CCDC91: variants seen among roughly 807,000 people sequenced by gnomAD.
CCDC91 encodes coiled-coil domain containing 91.
Under a neutral mutation model 63.2 loss-of-function variants are expected in CCDC91, and 48 were observed. The ratio of observed to expected loss-of-function variants is 0.76; its 90% CI spans 0.60 to 0.97. The LOEUF (loss-of-function observed/expected upper bound fraction) is 0.97, where lower values mean the gene tolerates loss of function less well. Among genes scored for constraint, CCDC91 ranks in the 50% least tolerant of loss-of-function variants. The probability of loss-of-function intolerance (pLI) is 0.00; values close to 1 mark genes in which losing one functional copy is unlikely to be tolerated. For missense variants in CCDC91, 500 were observed against 494.6 expected, an observed-to-expected ratio of 1.01 and a Z score of -0.10; for synonymous variants, 167 against 165.8, an observed-to-expected ratio of 1.01 and a Z score of -0.06.
At chr12:28,529,906 T>G (rs1183049026) in intron 12 of CCDC91, among the ~76,000 whole-genome samples, 1 of 152,180 alleles carries the variant, frequency 6.6e-6, no homozygotes, top group Non-Finnish European at 1.5e-5. Context: ...CAGAGAAGAT[T>G]TATAACTGCT....
intron 12 of CCDC91, among the ~76,000 whole-genome samples, chr12:28,513,471 T>C (rs1258228507): frequency 7.2e-5 from 11 of 151,864 alleles, no homozygotes; most frequent in Non-Finnish European, 8.8e-5. Context: ...AGAATCCTCA[T>C]GGGGATATTT....
rs1491501075 is a variant in CCDC91, at chr12:28,428,573, CCA to C, written c.763-21587_763-21586del. Among the ~76,000 whole-genome samples the C allele has an allele frequency of 4.6e-5, 3 of 65,224 alleles. 1 individual carries two copies. Among genetic ancestry groups the C allele is most frequent in the African/African-American group, 8.5e-5 (1 of 11,822 alleles). The allele number at this position is 65,224 out of a possible 152,430, so 42.8% of individuals were successfully genotyped here. On this transcript the variant is annotated intron_variant, in intron 8 of 12. Coordinates refer to ENST00000536442, the MANE Select transcript of CCDC91 (RefSeq NM_018318.5). ...AACAAGAGTGAAACTCCGTCTCTCC[CCA>C]AAAAAAAAAAAAAAAAAAAAAAAGA...
chr12:28,477,559 G>C (rs1204889864), intron 11 of CCDC91, among the ~76,000 whole-genome samples: 1 of 152,100 alleles, frequency 6.6e-6, no homozygotes, highest in African/African-American at 2.4e-5. Flanking sequence ...ACTGGCACAA[G>C]ACAGGGATGC....
intron 7 of CCDC91, among the ~76,000 whole-genome samples, chr12:28,365,442 A>G (rs1268245295): frequency 1.3e-5 from 2 of 152,194 alleles, no homozygotes; most frequent in Non-Finnish European, 2.9e-5. Context: ...TAACAAGAAA[A>G]GTAATTTTTC....
chr12:28,246,846 C>A (rs191175241), intron 1 of CCDC91, among the ~76,000 whole-genome samples: 4 of 152,192 alleles, frequency 2.6e-5, no homozygotes, highest in Admixed American at 2.6e-4. Context: ...AAGGTGACAC[C>A]TGGGTTTTGC....
At chr12:28,375,077 GACC>G (rs1944860547) in intron 7 of CCDC91, among the ~76,000 whole-genome samples, 1 of 151,808 alleles carries the variant, frequency 6.6e-6, no homozygotes, top group Non-Finnish European at 1.5e-5. Context: ...AATTCAGACA[GACC>G]TGGATCAGAG....
chr12:28,196,421 C>T (rs188143244), intron 1 of CCDC91, among the ~76,000 whole-genome samples: 1 of 152,302 alleles, frequency 6.6e-6, no homozygotes, highest in Non-Finnish European at 1.5e-5. Context: ...CACATTTTCT[C>T]ATTTGTTTGC....
At chr12:28,373,350 T>C (rs938045715) in intron 7 of CCDC91, among the ~76,000 whole-genome samples, 1 of 152,172 alleles carries the variant, frequency 6.6e-6, no homozygotes, top group African/African-American at 2.4e-5. Flanking sequence ...TAGCCTCTTA[T>C]ATGTGTAGAT....
chr12:28,456,768 A>T (rs577340925), intron 11 of CCDC91, among the ~76,000 whole-genome samples: 1 of 152,198 alleles, frequency 6.6e-6, no homozygotes, highest in African/African-American at 2.4e-5. Flanking sequence ...TGTGTATTAA[A>T]TGTGTGATGC....
rs759213086 is a variant in CCDC91 at position 28,391,356 on chromosome 12, A to G, written c.707A>G (p.Tyr236Cys). Reference protein sequence around the residue: ...KQQVEAIEKQYISAIEKQAHK... With the variant: ...KQQVEAIEKQCISAIEKQAHK... ...CAAGTAGAAGCTATTGAAAAACAGT[A>G]CATTTCTGCAATTGAGAAACAGGCA... The change falls in exon 8 of 13, where the codon TAC becomes TGC. Residue 236 changes from tyrosine to cysteine, a missense_variant. Transcript: ENST00000536442. 5.6e-6 allele frequency: 9 copies of G among 1,613,120 alleles called. No individual in the cohort carries two copies. Among genetic ancestry groups the G allele is most frequent in the Middle Eastern group, 1.6e-4 (1 of 6,082 alleles).
intron 1 of CCDC91, among the ~76,000 whole-genome samples, chr12:28,194,234 G>A (rs1208629413): frequency 2.6e-5 from 4 of 152,062 alleles, no homozygotes; most frequent in Admixed American, 1.3e-4. Flanking sequence ...TGTGAGGTAG[G>A]GGTCAAGACT....
chr12:28,413,468 T>C (rs148766059), intron 8 of CCDC91, among the ~76,000 whole-genome samples: 390 of 152,342 alleles, frequency 2.6e-3, no homozygotes, highest in African/African-American at 8.7e-3. Flanking sequence ...TGTCTGAACA[T>C]TTTTGATGTT....
At chr12:28,301,916 A>G (rs1429926482) in intron 3 of CCDC91, among the ~76,000 whole-genome samples, 1 of 151,506 alleles carries the variant, frequency 6.6e-6, no homozygotes, top group African/African-American at 2.4e-5. Context: ...AATTTTGTAT[A>G]TTTGAGTTCT....
In CCDC91 at chr12:28,212,025, AG is replaced by A. The variant is rs574632153; in HGVS notation, c.-15+21385del. Among the ~76,000 whole-genome samples, 3 of 149,538 alleles carry A rather than the reference AG, an allele frequency of 2.0e-5. No individual in the cohort carries two copies. The East Asian group carries it at 5.8e-4, about 29-fold the overall frequency. ...CAGTTTGGATTAGAAATTTGGTCAA[AG>A]AAACTCAGAGAGCTCAAAACACAAA... On this transcript the variant is annotated intron_variant, in intron 1 of 12. Transcript: ENST00000536442.
At chr12:28,246,238 TAAGGGAATG>T in intron 1 of CCDC91, among the ~76,000 whole-genome samples, 1 of 152,094 alleles carries the variant, frequency 6.6e-6, no homozygotes, top group Non-Finnish European at 1.5e-5. Context: ...CATTTGAAAG[TAAGGGAATG>T]ATGAAAAAAT....
chr12:28,278,474 C>T (rs186273243), intron 3 of CCDC91, among the ~76,000 whole-genome samples: 32 of 152,140 alleles, frequency 2.1e-4, no homozygotes, highest in East Asian at 1.9e-4. Context: ...ATCTCTAAAA[C>T]ATATCTCCCC....
At chr12:28,422,262 A>T (rs1948060310) in intron 8 of CCDC91, among the ~76,000 whole-genome samples, 1 of 152,168 alleles carries the variant, frequency 6.6e-6, no homozygotes, top group Admixed American at 6.6e-5. Context: ...AATTTATCCA[A>T]TTATATTTAA....
chr12:28,413,955 C>G (rs1251790651), intron 8 of CCDC91, among the ~76,000 whole-genome samples: 4 of 152,148 alleles, frequency 2.6e-5, no homozygotes, highest in African/African-American at 9.7e-5. Context: ...ATCTCTTTCC[C>G]TTTTTGCCTG....
intron 3 of CCDC91, among the ~76,000 whole-genome samples, chr12:28,304,871 A>G (rs935832470): frequency 1.3e-5 from 2 of 152,142 alleles, no homozygotes; most frequent in South Asian, 2.1e-4. Flanking sequence ...TCTTGCTTAT[A>G]TCCGTACTTT....
Sources: allele counts gnomAD v4.1 joint callset (sites outside exome capture counted in the v4.1 genomes callset), GRCh38; gene constraint gnomAD v4.1.1; transcripts MANE v1.5; gene names NCBI Gene and HGNC (gene_info 2026-07-23, HGNC 2026-07-21).